The following TMEM185B variants were observed in gnomAD, a reference collection of about 807,000 sequenced individuals.
TMEM185B encodes the protein ee3_2.
Under a neutral mutation model 26.2 loss-of-function variants are expected in TMEM185B, and 9 were observed. That is an observed-to-expected ratio of 0.34 (90% confidence interval 0.21 to 0.60). The LOEUF is 0.60. TMEM185B is among the 20% of genes least tolerant of loss of function. TMEM185B has a pLI of 0.80. For synonymous variants in TMEM185B, 204 were observed against 191.8 expected (o/e 1.06, Z -0.52); for missense variants, 392 against 447.9 (o/e 0.88, Z 1.13).
At position 120,223,042 on chromosome 2, in the gene TMEM185B, G is replaced by A; in HGVS notation, c.-66C>T. The A allele has an allele frequency of 2.5e-6, 3 of 1,220,120 alleles. No homozygotes were observed. The highest frequency in any genetic ancestry group is 3.1e-5 in the East Asian group (1 of 32,578). 75.6% of individuals were successfully genotyped at this position (1,220,120 alleles called of 1,614,324 possible). A position where few individuals can be genotyped will look rare whatever the true frequency, so the allele number is the denominator to read the frequency against. On this transcript the variant is annotated 5_prime_UTR_variant, in exon 1 of 1. Coordinates refer to ENST00000426077, the MANE Select transcript of TMEM185B (RefSeq NM_024121.3). ...CGACGCTCGGCGCTCGCGTCTCCGC[G>A]GCTTCTCCGGCCGCCGCCTCCCGGG...
Position 120,223,085 on chromosome 2 carries a change from C to A in TMEM185B, c.-109G>T. The A allele has an allele frequency of 1.2e-6, 1 of 815,998 alleles. No individual in the cohort carries two copies. The highest frequency in any genetic ancestry group is 4.6e-5 in the South Asian group (1 of 21,734). The allele number at this position is 815,998 out of a possible 1,614,324, so 50.5% of individuals were successfully genotyped here. On this transcript the variant is annotated 5_prime_UTR_variant, in exon 1 of 1. Transcript: ENST00000426077. ...CTCCCGGGCCCCGCCCAAGCCGGCT[C>A]CGCGTGGACGAATGCCGGGACGACC...
rs1688525867 is a variant in TMEM185B at position 120,217,737 on chromosome 2, T to C, written c.*4187A>G. On this transcript the variant is annotated 3_prime_UTR_variant, in exon 1 of 1. Transcript: ENST00000426077. ...CGTGGGGTTGGGAAAGGAAGGACCT[T>C]GAGGACCCTCAGGGGTCCTTGGACC... is the stretch of plus-strand genomic sequence containing the variant. 6.6e-6 allele frequency among the ~76,000 whole-genome samples: 1 copy of C among 152,134 alleles called. No homozygotes were observed. The highest frequency in any genetic ancestry group is 1.5e-5 in the Non-Finnish European group (1 of 68,014).
chr2:120,220,822 G>T lies in TMEM185B; in HGVS notation c.*1102C>A, dbSNP rs1302343316. Among the ~76,000 whole-genome samples, 3 of 152,198 alleles carry T rather than the reference G, an allele frequency of 2.0e-5. No homozygotes were observed. Among genetic ancestry groups the T allele is most frequent in the African/African-American group, 4.8e-5 (2 of 41,442 alleles). On this transcript the variant is annotated 3_prime_UTR_variant, in exon 1 of 1. Coordinates refer to ENST00000426077, the MANE Select transcript of TMEM185B (RefSeq NM_024121.3). ...ATCTACAAAGATAATTTGAACAGTT[G>T]TTTCCCTATTGCTGACAGATTAAAG...
In TMEM185B at chr2:120,221,828, G is replaced by T; in HGVS notation, c.*96C>A. 9.9e-7 allele frequency: 1 copy of T among 1,014,652 alleles called. No individual in the cohort carries two copies. Among genetic ancestry groups the T allele is most frequent in the Non-Finnish European group, 1.4e-6 (1 of 714,804 alleles). The allele number at this position is 1,014,652 out of a possible 1,614,324, so 62.9% of individuals were successfully genotyped here. On this transcript the variant is annotated 3_prime_UTR_variant, in exon 1 of 1. Coordinates refer to ENST00000426077, the MANE Select transcript of TMEM185B (RefSeq NM_024121.3). ...TGATCTCAAACACGGCGTGAGACGAGTGTTTGAAGCCTGTTTCCATTTCCA... is the reference window on the plus strand; with the variant it reads ...TGATCTCAAACACGGCGTGAGACGATTGTTTGAAGCCTGTTTCCATTTCCA...
In TMEM185B at chr2:120,221,755, C is replaced by T. The variant is rs1688589916; in HGVS notation, c.*169G>A. ...CTTACCCAGGTACACATCACACACA[C>T]CCACATACTGAAACCACCTCCATCT... is the stretch of plus-strand genomic sequence containing the variant. On this transcript the variant is annotated 3_prime_UTR_variant, in exon 1 of 1. Coordinates refer to ENST00000426077, the MANE Select transcript of TMEM185B (RefSeq NM_024121.3). 1.6e-6 allele frequency: 1 copy of T among 638,506 alleles called. No homozygotes were observed. Among genetic ancestry groups the T allele is most frequent in the Non-Finnish European group, 2.7e-6 (1 of 375,860 alleles). The allele number at this position is 638,506 out of a possible 1,614,324, so 39.6% of individuals were successfully genotyped here.
In TMEM185B at chr2:120,222,791, C is replaced by A. The variant is rs1026635454; in HGVS notation, c.186G>T (p.Ala62=). The A allele has an allele frequency of 1.3e-6, 2 of 1,532,924 alleles. No individual in the cohort carries two copies. Among genetic ancestry groups the A allele is most frequent in the East Asian group, 4.9e-5 (2 of 40,882 alleles). The allele number at this position is 1,532,924 out of a possible 1,614,324, so 95.0% of individuals were successfully genotyped here. The change falls in exon 1 of 1, where the codon GCG becomes GCT. Residue 62 remains alanine (A), a synonymous_variant. Coordinates refer to ENST00000426077, the MANE Select transcript of TMEM185B (RefSeq NM_024121.3). ...LLVVAGASVG[A]GVWARNPRYR... is the part of the protein sequence containing the mutation. ...AGCGAGGGTTGCGGGCCCAAACGCC[C>A]GCGCCCACGGAGGCGCCTGCGACGA... is the stretch of plus-strand genomic sequence containing the variant.
Position 120,222,118 on chromosome 2 carries a change from G to C in TMEM185B, c.859C>G (p.Pro287Ala), listed in dbSNP as rs1449631113. Reference sequence around the variant, plus strand: ...ATGTTCCCATATTCTCTTAAAAATGGGAAAATTTCAAGCAGAAACTGACAG... The same window carrying C: ...ATGTTCCCATATTCTCTTAAAAATGCGAAAATTTCAAGCAGAAACTGACAG... ...DFCQFLLEIF[P>A]FLREYGNISY... The change falls in exon 1 of 1, where the codon CCA becomes GCA. Residue 287 changes from proline (P) to alanine (A), a missense_variant. By Grantham distance (27) the Pro-to-Ala change is conservative (BLOSUM62 -1). This residue lies in a region of TMEM185B where 176 missense variants were observed against 201.6 expected (regional missense o/e 0.87). Coordinates refer to ENST00000426077, the MANE Select transcript of TMEM185B (RefSeq NM_024121.3). 1.9e-6 allele frequency: 3 copies of C among 1,562,484 alleles called. No homozygotes were observed. The highest frequency in any genetic ancestry group is 2.6e-6 in the Non-Finnish European group (3 of 1,154,264).
Position 120,218,895 on chromosome 2 carries a change from G to A in TMEM185B, c.*3029C>T, listed in dbSNP as rs1367908799. The stretch of plus-strand genomic sequence containing the variant: ...AGTGACAGCCCCCTGTGTGGACTGT[G>A]CTTGTTCCTTGGCCATGCACTGCCT... On this transcript the variant is annotated 3_prime_UTR_variant, in exon 1 of 1. Coordinates refer to ENST00000426077, the MANE Select transcript of TMEM185B (RefSeq NM_024121.3). Among the ~76,000 whole-genome samples, 1 of 152,254 alleles carries A rather than the reference G, an allele frequency of 6.6e-6. No individual in the cohort carries two copies. The highest frequency in any genetic ancestry group is 1.5e-5 in the Non-Finnish European group (1 of 68,040).
rs778967924 is a variant in TMEM185B, at chr2:120,219,671, T to A, written c.*2253A>T. Among the ~76,000 whole-genome samples the A allele has an allele frequency of 2.6e-5, 4 of 152,214 alleles. No individual in the cohort carries two copies. Among genetic ancestry groups the A allele is most frequent in the Non-Finnish European group, 5.9e-5 (4 of 68,036 alleles). On this transcript the variant is annotated 3_prime_UTR_variant, in exon 1 of 1. Transcript: ENST00000426077. ...AATGAAAATCCACGTCTTTGAGATA[T>A]TCTTTAGGGGTGGAGGGGAGGCACT...
In TMEM185B at chr2:120,221,667, C is replaced by A. The variant is rs573884531; in HGVS notation, c.*257G>T. 1.4e-5 allele frequency: 7 copies of A among 503,592 alleles called. No homozygotes were observed. The highest frequency in any genetic ancestry group is 1.2e-4 in the African/African-American group (6 of 51,956). The allele number at this position is 503,592 out of a possible 1,614,324, so 31.2% of individuals were successfully genotyped here. On this transcript the variant is annotated 3_prime_UTR_variant, in exon 1 of 1. Transcript: ENST00000426077. ...TGTGGTTATTCCTTTTGAGGACCTA[C>A]TAAAACAATTCGACTTACTGCCCCC... is the stretch of plus-strand genomic sequence containing the variant.
rs113906846 is a variant in TMEM185B, at chr2:120,222,758, G to A, written c.219C>T (p.Thr73=). 5.0e-3 allele frequency: 7,609 copies of A among 1,536,320 alleles called. 288 individuals are homozygous for A. The African/African-American group carries it at 0.09, about 18-fold the overall frequency. ...TGAACTCCACACAGGCCTCTCCCTC[G>A]GTGCGGTAGCGAGGGTTGCGGGCCC... The part of the protein sequence containing the change: ...GVWARNPRYR[T]EGEACVEFKA... Residue 73 remains threonine (T), a synonymous_variant, in exon 1 of 1, where the codon ACC becomes ACT. Coordinates refer to ENST00000426077, the MANE Select transcript of TMEM185B (RefSeq NM_024121.3).
rs1012234612 is a variant in TMEM185B at position 120,219,126 on chromosome 2, A to T, written c.*2798T>A. On this transcript the variant is annotated 3_prime_UTR_variant, in exon 1 of 1. Coordinates refer to ENST00000426077, the MANE Select transcript of TMEM185B (RefSeq NM_024121.3). ...CGTGATCAGACCCCCAGCCTGGAGC[A>T]TAACCTAGAAGCCAACTTGTAGACT... is the stretch of plus-strand genomic sequence containing the variant. Among the ~76,000 whole-genome samples, 1 of 152,250 alleles carries T rather than the reference A, an allele frequency of 6.6e-6. No individual in the cohort carries two copies. Among genetic ancestry groups the T allele is most frequent in the Admixed American group, 6.5e-5 (1 of 15,280 alleles).
chr2:120,218,657 C>T lies in TMEM185B; in HGVS notation c.*3267G>A, dbSNP rs1023768470. ...TTCCAGCACTTTCCTAAAACTGTCC[C>T]GTGTGGAGTACTCCGGCCTCACCAC... On this transcript the variant is annotated 3_prime_UTR_variant, in exon 1 of 1. Transcript: ENST00000426077. Among the ~76,000 whole-genome samples, 1 of 152,180 alleles carries T rather than the reference C, an allele frequency of 6.6e-6. No homozygotes were observed. Among genetic ancestry groups the T allele is most frequent in the Non-Finnish European group, 1.5e-5 (1 of 68,008 alleles).
In TMEM185B at chr2:120,223,196, T is replaced by C. The variant is rs758281540; in HGVS notation, c.-220A>G. 1.0e-3 allele frequency: 351 copies of C among 348,046 alleles called. 3 individuals carry two copies. Among genetic ancestry groups the C allele is most frequent in the Non-Finnish European group, 2.2e-4 (43 of 195,694 alleles). 21.6% of individuals were successfully genotyped at this position (348,046 alleles called of 1,614,324 possible). A position where few individuals can be genotyped will look rare whatever the true frequency, so the allele number is the denominator to read the frequency against. ...GCCCGGCCGGAAGCGCGCTGGGGTGTGGCGCGCGCGGGCACGGGCGGCGCG... is the reference window on the plus strand; with the variant it reads ...GCCCGGCCGGAAGCGCGCTGGGGTGCGGCGCGCGCGGGCACGGGCGGCGCG... On this transcript the variant is annotated 5_prime_UTR_variant, in exon 1 of 1. Transcript: ENST00000426077.
At position 120,217,694 on chromosome 2, in the gene TMEM185B, C is replaced by T. The variant is rs1688524969; in HGVS notation, c.*4230G>A. On this transcript the variant is annotated 3_prime_UTR_variant, in exon 1 of 1. Coordinates refer to ENST00000426077, the MANE Select transcript of TMEM185B (RefSeq NM_024121.3). ...CCTTCGGTCTGTTGCAGTATGGTAT[C>T]CTGACTGAAGAAAACCACGTGGGGT... Among the ~76,000 whole-genome samples, 2 of 152,316 alleles carry T rather than the reference C, an allele frequency of 1.3e-5. No individual in the cohort carries two copies. The highest frequency in any genetic ancestry group is 2.4e-5 in the African/African-American group (1 of 41,580).
Position 120,218,755 on chromosome 2 carries a change from A to T in TMEM185B, c.*3169T>A, listed in dbSNP as rs886839962. ...ATCCCCAACAGATCCCTTCTAATGG[A>T]AACAGCTTTTAAAAATTTCAGGATA... is the stretch of plus-strand genomic sequence containing the variant. On this transcript the variant is annotated 3_prime_UTR_variant, in exon 1 of 1. Transcript: ENST00000426077. Among the ~76,000 whole-genome samples, 1 of 152,260 alleles carries T rather than the reference A, an allele frequency of 6.6e-6. No homozygotes were observed. Among genetic ancestry groups the T allele is most frequent in the African/African-American group, 2.4e-5 (1 of 41,474 alleles).
rs1688522006 is a variant in TMEM185B at position 120,217,481 on chromosome 2, ACT to A, written c.*4441_*4442del. On this transcript the variant is annotated 3_prime_UTR_variant, in exon 1 of 1. Transcript: ENST00000426077. ...AGCATCTTAGAAGTTAAAGCCAATA[ACT>A]CTGAAAAACATTTATTCATCCATTT... is the stretch of plus-strand genomic sequence containing the variant. Among the ~76,000 whole-genome samples, 1 of 152,186 alleles carries A rather than the reference ACT, an allele frequency of 6.6e-6. No individual in the cohort carries two copies. The highest frequency in any genetic ancestry group is 2.1e-4 in the South Asian group (1 of 4,836).
rs569528917 is a variant in TMEM185B at position 120,221,267 on chromosome 2, A to C, written c.*657T>G. The C allele has an allele frequency of 6.6e-6, 1 of 152,286 alleles. No homozygotes were observed. The highest frequency in any genetic ancestry group is 2.1e-4 in the South Asian group (1 of 4,838). 9.4% of individuals were successfully genotyped at this position (152,286 alleles called of 1,614,324 possible). Reference sequence around the variant, plus strand: ...TTTCAAGGACATCTGCAATAGACACATATCTTCACACCTAAGCTTTAAAAA... The same window carrying C: ...TTTCAAGGACATCTGCAATAGACACCTATCTTCACACCTAAGCTTTAAAAA... On this transcript the variant is annotated 3_prime_UTR_variant, in exon 1 of 1. Transcript: ENST00000426077.
chr2:120,222,193 ATGT>A lies in TMEM185B; in HGVS notation c.781_783del (p.Thr261del). The A allele has an allele frequency of 6.5e-7, 1 of 1,543,574 alleles. No individual in the cohort carries two copies. The highest frequency in any genetic ancestry group is 1.2e-5 in the South Asian group (1 of 84,454). ...CAATGATTGCCCCCCTTTCGCCTAA[ATGT>A]TGTGGCCATTAAAGTTAGTAAGGAA... is the stretch of plus-strand genomic sequence containing the variant. On this transcript the variant is annotated inframe_deletion, in exon 1 of 1. Transcript: ENST00000426077.
Sources: gnomAD v4.1 joint callset for allele counts (sites outside exome capture counted in the v4.1 genomes callset) on GRCh38, gnomAD v4.1.1 for gene constraint, gnomAD v4.1.1 regional missense constraint, MANE v1.5 for transcripts, NCBI Gene and HGNC (gene_info 2026-07-23, HGNC 2026-07-21) for gene names.